Variants in VWA3B observed in about 807,000 individuals in gnomAD.
VWA3B encodes von Willebrand factor A domain-containing protein 3B.
VWA3B carries 138 observed loss-of-function variants against 158.3 expected under a neutral mutation model. The ratio of observed to expected loss-of-function variants is 0.87; its 90% confidence interval spans 0.76 to 1.00. The LOEUF is 1.00. Ranked by LOEUF, VWA3B falls within the 50% of genes least tolerant of loss-of-function variation. VWA3B has a pLI of 0.00. For synonymous variants in VWA3B, 596 were observed against 587.3 expected, an observed-to-expected ratio of 1.01 and a Z score of -0.21; for missense variants, 1,555 against 1,565.1, an observed-to-expected ratio of 0.99 and a Z score of 0.11.
In VWA3B at chr2:98,255,180, A is replaced by ATTTTTTTTT. The variant is rs1302034902; in HGVS notation, c.2793-943_2793-942insTTTTTTTTT. Among the ~76,000 whole-genome samples, 286 of 65,842 alleles carry ATTTTTTTTT rather than the reference A, an allele frequency of 4.3e-3. 38 individuals are homozygous for ATTTTTTTTT. Among genetic ancestry groups the ATTTTTTTTT allele is most frequent in the African/African-American group, 0.018 (275 of 15,190 alleles). 43.2% of individuals were successfully genotyped at this position (65,842 alleles called of 152,430 possible). A position where few individuals can be genotyped will look rare whatever the true frequency, so the allele number is the denominator to read the frequency against. On this transcript the variant is annotated intron_variant, in intron 20 of 27. Coordinates refer to ENST00000477737, the MANE Select transcript of VWA3B (RefSeq NM_144992.5). Reference sequence around the variant, plus strand: ...AGTCGCCCGCCACCACGCCCGGCTGATATTTTTTTTTTTTTTTTTTTTTTT... The same window carrying ATTTTTTTTT: ...AGTCGCCCGCCACCACGCCCGGCTGATTTTTTTTTTATTTTTTTTTTTTTTTTTTTTTTT...
intron 8 of VWA3B, among the ~76,000 whole-genome samples, chr2:98,180,084 CTCTCTT>C (rs1297685864): frequency 6.9e-6 from 1 of 145,468 alleles, no homozygotes; most frequent in African/African-American, 2.6e-5. Context: ...TTCTTTCTTT[CTCTCTT>C]TCTTTCTTTC....
chr2:98,284,173 C>A (rs1171273292), intron 22 of VWA3B, among the ~76,000 whole-genome samples: 1 of 152,250 alleles, frequency 6.6e-6, no homozygotes, highest in Non-Finnish European at 1.5e-5. Flanking sequence ...TCCGTGGCTG[C>A]AGAGGCTACA....
chr2:98,258,217 A>G (rs1438383867), intron 21 of VWA3B, among the ~76,000 whole-genome samples: 2 of 151,908 alleles, frequency 1.3e-5, no homozygotes, highest in Non-Finnish European at 2.9e-5. Flanking sequence ...TGGTCTATAT[A>G]TGACTATATT....
chr2:98,247,871 T>G (rs575364805), intron 19 of VWA3B, among the ~76,000 whole-genome samples: 1 of 152,208 alleles, frequency 6.6e-6, no homozygotes, highest in Non-Finnish European at 1.5e-5. Context: ...CTAACCATCT[T>G]TCTATTCTAT....
At chr2:98,290,804 G>A in intron 23 of VWA3B, 182 bp downstream of exon 23, 1 of 501,140 alleles carries the variant, frequency 2.0e-6, no homozygotes, top group Non-Finnish European at 3.5e-6. Context: ...GCGTATTTGG[G>A]CCCCCCAAAA....
intron 20 of VWA3B, among the ~76,000 whole-genome samples, chr2:98,253,479 C>A (rs530417089): frequency 6.6e-6 from 1 of 152,212 alleles, no homozygotes; most frequent in East Asian, 1.9e-4. Flanking sequence ...TGAGTATAAG[C>A]TTTGAGTGGA....
chr2:98,292,068 A>T (rs2105953080), intron 23 of VWA3B: 1 of 148,656 alleles, frequency 6.7e-6, no homozygotes, highest in African/African-American at 2.5e-5. Flanking sequence ...ACATGGTGAA[A>T]CCTCATCTCT....
At chr2:98,090,034 T>C (rs1227430793) in intron 1 of VWA3B, among the ~76,000 whole-genome samples, 2 of 152,166 alleles carry the variant, frequency 1.3e-5, no homozygotes, top group African/African-American at 4.8e-5. Context: ...GTAAAAGTGC[T>C]CCCTTTTAAA....
At chr2:98,277,278 T>C (rs1257361527) in intron 22 of VWA3B, among the ~76,000 whole-genome samples, 1 of 152,190 alleles carries the variant, frequency 6.6e-6, no homozygotes, top group Non-Finnish European at 1.5e-5. Context: ...CCCCTCATGT[T>C]ACTGTGATTG....
At chr2:98,103,782 T>G (rs1423390050) in intron 2 of VWA3B, among the ~76,000 whole-genome samples, 1 of 152,176 alleles carries the variant, frequency 6.6e-6, no homozygotes, top group Non-Finnish European at 1.5e-5. Flanking sequence ...TAGATAAAGA[T>G]GGTTGAAAGT....
At chr2:98,181,836 G>C (rs1291522205) in intron 9 of VWA3B, among the ~76,000 whole-genome samples, 4 of 152,182 alleles carry the variant, frequency 2.6e-5, no homozygotes, top group Non-Finnish European at 5.9e-5. Context: ...CAGTAGGTCC[G>C]AAATGTGGCT....
At chr2:98,194,305 A>G (rs531245731) in intron 11 of VWA3B, 56 bp from the exon 12 acceptor site, 198 of 1,585,056 alleles carry the variant, frequency 1.2e-4, no homozygotes, top group Non-Finnish European at 1.7e-4. Flanking sequence ...TGGCCTACCC[A>G]AACCCTTTCT....
intron 8 of VWA3B, 42 bp downstream of exon 8, chr2:98,163,018 T>C (rs1678757842): frequency 1.2e-6 from 2 of 1,607,572 alleles, no homozygotes; most frequent in East Asian, 4.5e-5. Context: ...GATTCATAAA[T>C]GTTACTAGCT....
At chr2:98,101,050 T>C (rs1683041613) in intron 2 of VWA3B, among the ~76,000 whole-genome samples, 1 of 152,230 alleles carries the variant, frequency 6.6e-6, no homozygotes, top group African/African-American at 2.4e-5. Context: ...GTTATTTGTA[T>C]TTACTGATAG....
chr2:98,286,568 G>T (rs528260718), intron 22 of VWA3B, among the ~76,000 whole-genome samples: 2 of 152,124 alleles, frequency 1.3e-5, no homozygotes, highest in South Asian at 4.1e-4. Context: ...TACATTAATT[G>T]TTATCTTTTG....
At chr2:98,309,167 CAA>C (rs763812141) in intron 26 of VWA3B, among the ~76,000 whole-genome samples, 10 of 69,260 alleles carry the variant, frequency 1.4e-4, no homozygotes, top group Admixed American at 5.1e-4. Context: ...GAGACTCTGT[CAA>C]AAAAAAAAAA....
chr2:98,288,572 C>G (rs1225794548), intron 22 of VWA3B, among the ~76,000 whole-genome samples: 1 of 152,160 alleles, frequency 6.6e-6, no homozygotes, highest in Non-Finnish European at 1.5e-5. Flanking sequence ...CCTCTCTTTC[C>G]TCTGTGAGAT....
At position 98,290,516 on chromosome 2, in the gene VWA3B, G is replaced by A. The variant is rs756136335; in HGVS notation, c.3051G>A (p.Gln1017=). The change falls in exon 23 of 28, where the codon CAG becomes CAA. Residue 1017 remains glutamine (Q), a synonymous_variant. Transcript: ENST00000477737. ...NYANKAPGEQ[Q]KLQGNPTKKT... is the part of the protein sequence containing the mutation. ...TTCTGCTTTGTCTTTTTCAGCAACA[G>A]AAATTGCAAGGAAATCCAACAAAGA... is the stretch of plus-strand genomic sequence containing the variant. 1.3e-6 allele frequency: 2 copies of A among 1,574,958 alleles called. No individual in the cohort carries two copies. Among genetic ancestry groups the A allele is most frequent in the South Asian group, 2.4e-5 (2 of 82,598 alleles).
chr2:98,167,746 G>C (rs1335877920), intron 8 of VWA3B, among the ~76,000 whole-genome samples: 1 of 152,122 alleles, frequency 6.6e-6, no homozygotes, highest in African/African-American at 2.4e-5. Context: ...CTGGGGAAAG[G>C]GCCATTGGAA....
Sources: gnomAD v4.1 joint callset for allele counts (sites outside exome capture counted in the v4.1 genomes callset) on GRCh38, gnomAD v4.1.1 for gene constraint, MANE v1.5 for transcripts, NCBI Gene and HGNC (gene_info 2026-07-23, HGNC 2026-07-21) for gene names.